HPSE2: variants seen among roughly 807,000 people sequenced by gnomAD.
HPSE2 encodes the protein heparanase 2 (inactive).
HPSE2 carries 38 observed loss-of-function variants against 60.5 expected under a neutral mutation model. That is an observed-to-expected ratio of 0.63 (90% CI 0.48 to 0.82). The LOEUF is 0.82. HPSE2 is among the 40% of genes least tolerant of loss of function. The probability of loss-of-function intolerance (pLI) is 0.00; values close to 1 mark genes in which losing one functional copy is unlikely to be tolerated. For missense variants in HPSE2, 713 were observed against 740.4 expected (o/e 0.96, Z 0.43); for synonymous variants, 295 against 293.2 (o/e 1.01, Z -0.06).
chr10:98,528,805 C>T (rs370955453), intron 9 of HPSE2, among the ~76,000 whole-genome samples: 3 of 152,124 alleles, frequency 2.0e-5, no homozygotes, highest in Admixed American at 6.5e-5. Context: ...ATGGGCTTTA[C>T]GGTTACTGTG....
intron 6 of HPSE2, among the ~76,000 whole-genome samples, chr10:98,684,922 G>A (rs1947874690): frequency 1.5e-5 from 1 of 64,824 alleles, no homozygotes; most frequent in Admixed American, 1.9e-4. Context: ...TCCCATTTAT[G>A]TTTGTCATAT....
chr10:98,997,245 T>C (rs993659681), intron 3 of HPSE2, among the ~76,000 whole-genome samples: 1 of 151,534 alleles, frequency 6.6e-6, no homozygotes, highest in African/African-American at 2.4e-5. Context: ...CCAGAGTAGC[T>C]GGGACTACAG....
At chr10:98,911,134 T>C (rs1309546841) in intron 3 of HPSE2, among the ~76,000 whole-genome samples, 1 of 152,106 alleles carries the variant, frequency 6.6e-6, no homozygotes, top group Non-Finnish European at 1.5e-5. Context: ...GTTTAGAGGG[T>C]AAAAGACCTC....
At chr10:99,042,956 T>C (rs1439073872) in intron 3 of HPSE2, among the ~76,000 whole-genome samples, 1 of 152,122 alleles carries the variant, frequency 6.6e-6, no homozygotes, top group African/African-American at 2.4e-5. Context: ...TTTGCTAATA[T>C]ACATCCCTGT....
At chr10:99,076,690 AT>A (rs1405193271) in intron 3 of HPSE2, among the ~76,000 whole-genome samples, 1 of 151,968 alleles carries the variant, frequency 6.6e-6, no homozygotes. Flanking sequence ...GCCTGACTCT[AT>A]TTTTCATACT....
At chr10:99,164,547 G>A (rs1228213899) in intron 2 of HPSE2, among the ~76,000 whole-genome samples, 1 of 151,732 alleles carries the variant, frequency 6.6e-6, no homozygotes, top group African/African-American at 2.4e-5. Flanking sequence ...TAGAAACCAA[G>A]ATTTAGGCAC....
At chr10:99,132,901 C>T (rs1318414697) in intron 3 of HPSE2, among the ~76,000 whole-genome samples, 2 of 152,170 alleles carry the variant, frequency 1.3e-5, no homozygotes, top group Non-Finnish European at 2.9e-5. Flanking sequence ...TGTTCACTCC[C>T]CTGGAAAGGG....
intron 3 of HPSE2, among the ~76,000 whole-genome samples, chr10:98,829,578 C>T (rs928892173): frequency 2.4e-4 from 37 of 151,854 alleles, no homozygotes; most frequent in Admixed American, 6.6e-4. Context: ...GTAATGGTTG[C>T]GCAACAATGT....
intron 3 of HPSE2, among the ~76,000 whole-genome samples, chr10:99,066,577 C>T (rs1842624874): frequency 6.6e-6 from 1 of 152,144 alleles, no homozygotes; most frequent in African/African-American, 2.4e-5. Context: ...GGCAAGATAA[C>T]TTGTTCAGGG....
chr10:98,664,577 G>C (rs1207761864), intron 6 of HPSE2, among the ~76,000 whole-genome samples: 1 of 152,096 alleles, frequency 6.6e-6, no homozygotes, highest in Non-Finnish European at 1.5e-5. Flanking sequence ...GAGCACTATC[G>C]ACAATGCGCT....
intron 3 of HPSE2, among the ~76,000 whole-genome samples, chr10:98,756,795 CAGG>C (rs1399294737): frequency 1.3e-5 from 2 of 151,996 alleles, no homozygotes; most frequent in Non-Finnish European, 2.9e-5. Flanking sequence ...CCAAAAAATC[CAGG>C]AGAAGAACCT....
intron 3 of HPSE2, among the ~76,000 whole-genome samples, chr10:99,058,599 G>A (rs190353497): frequency 6.2e-4 from 94 of 152,272 alleles, no homozygotes; most frequent in African/African-American, 2.2e-3. Flanking sequence ...GCCAAATGGA[G>A]AGCCTACATA....
chr10:98,535,324 G>GTT (rs1408708507), intron 9 of HPSE2, among the ~76,000 whole-genome samples: 1 of 148,046 alleles, frequency 6.8e-6, no homozygotes, highest in Non-Finnish European at 1.5e-5. Context: ...ATTTTTGTTT[G>GTT]TTTTTTTTTT....
chr10:99,195,483 A>G (rs921362120), intron 2 of HPSE2, among the ~76,000 whole-genome samples: 1 of 152,122 alleles, frequency 6.6e-6, no homozygotes, highest in South Asian at 2.1e-4. Flanking sequence ...ATTAAAAAAA[A>G]ACTATTAGAA....
intron 6 of HPSE2, among the ~76,000 whole-genome samples, chr10:98,649,206 C>T (rs535065250): frequency 5.9e-4 from 89 of 152,108 alleles, no homozygotes; most frequent in Non-Finnish European, 1.1e-3. Context: ...TGTCATTGTT[C>T]GTGGCAGAAT....
At chr10:98,736,424 A>G (rs919693407) in intron 4 of HPSE2, among the ~76,000 whole-genome samples, 2 of 152,128 alleles carry the variant, frequency 1.3e-5, no homozygotes, top group Non-Finnish European at 2.9e-5. Context: ...GTAACTATCT[A>G]ACTGTGACAG....
chr10:98,765,949 T>C (rs1056462614), intron 3 of HPSE2, among the ~76,000 whole-genome samples: 1 of 151,548 alleles, frequency 6.6e-6, no homozygotes, highest in Non-Finnish European at 1.5e-5. Flanking sequence ...CAGAAAGAAA[T>C]AGAGTAGAAA....
intron 3 of HPSE2, among the ~76,000 whole-genome samples, chr10:99,058,721 C>T (rs1410925319): frequency 1.3e-5 from 2 of 152,050 alleles, no homozygotes; most frequent in Non-Finnish European, 2.9e-5. Flanking sequence ...TAATGAAAGA[C>T]TTTGATTTTT....
In HPSE2 at chr10:98,728,635, A is replaced by C. The variant is rs185305773; in HGVS notation, c.785-6807T>G. ...TCTGTCTCAAAACAAACAAACGAAC[A>C]AACCTAGAATTAAGTTAGTATTACT... On this transcript the variant is annotated intron_variant, in intron 4 of 11. Transcript: ENST00000370552. Among the ~76,000 whole-genome samples the C allele has an allele frequency of 2.8e-4, 43 of 152,256 alleles. No homozygotes were observed. In the East Asian group the frequency reaches 7.9e-3, roughly 28 times the overall value.
Sources: allele counts gnomAD v4.1 joint callset (sites outside exome capture counted in the v4.1 genomes callset), GRCh38; gene constraint gnomAD v4.1.1; transcripts MANE v1.5; gene names NCBI Gene and HGNC (gene_info 2026-07-23, HGNC 2026-07-21).